C10orf143: variants seen among roughly 807,000 people sequenced by gnomAD.
C10orf143 encodes the protein chromosome 10 open reading frame 143, also known as uncharacterized protein C10orf143.
intron 1 of C10orf143, among the ~76,000 whole-genome samples, chr10:130,087,096 A>G (rs1762814302): frequency 1.3e-5 from 2 of 152,218 alleles, no homozygotes; most frequent in Admixed American, 1.3e-4. Flanking sequence ...CAGCCAGCAC[A>G]GTGAATTAAT....
rs1012690590 is a variant in C10orf143, at chr10:130,056,781, C to T, written c.298-20811G>A. On this transcript the variant is annotated intron_variant and NMD_transcript_variant, in intron 3 of 5. Coordinates refer to the C10orf143 transcript ENST00000643056. This position sits in a 1 kb window ranked among gnomAD's most constrained non-coding sequence, Gnocchi z 4.6. ...TAATTTTTTGTATTTTTAGTAGAGACGGGGTTTCACCATGTTAGCCAAGAT... is the reference window on the plus strand; with the variant it reads ...TAATTTTTTGTATTTTTAGTAGAGATGGGGTTTCACCATGTTAGCCAAGAT... Among the ~76,000 whole-genome samples the T allele has an allele frequency of 2.5e-4, 38 of 152,058 alleles. No homozygotes were observed. The East Asian group carries it at 2.9e-3, about 12-fold the overall frequency.
At chr10:130,078,638 G>T (rs1861157995) in intron 3 of C10orf143, among the ~76,000 whole-genome samples, 2 of 152,176 alleles carry the variant, frequency 1.3e-5, no homozygotes, top group African/African-American at 2.4e-5. Flanking sequence ...AAGGACTTCA[G>T]ATAATTAGAG....
intron 3 of C10orf143, among the ~76,000 whole-genome samples, chr10:130,070,328 G>T (rs554323894): frequency 6.6e-6 from 1 of 152,154 alleles, no homozygotes; most frequent in Non-Finnish European, 1.5e-5. Flanking sequence ...TCGCACCCCC[G>T]GACCTGGTGC....
chr10:130,085,590 G>A, intron 1 of C10orf143, among the ~76,000 whole-genome samples: 1 of 152,256 alleles, frequency 6.6e-6, no homozygotes, highest in South Asian at 2.1e-4. Flanking sequence ...ACAGAAAAAG[G>A]ATATTAGAGG....
chr10:130,105,275 C>T (rs1861621914), intron 1 of C10orf143, among the ~76,000 whole-genome samples: 1 of 152,162 alleles, frequency 6.6e-6, no homozygotes. Flanking sequence ...GCTGTGCAGC[C>T]CTGTGGTTAA....
intron 3 of C10orf143, among the ~76,000 whole-genome samples, chr10:130,057,464 C>G (rs1320543912): frequency 6.6e-6 from 1 of 152,186 alleles, no homozygotes; most frequent in Non-Finnish European, 1.5e-5. Flanking sequence ...TCACAGAAAC[C>G]AAGGCCAGGA....
At chr10:130,092,658 G>A (rs532096069) in intron 1 of C10orf143, among the ~76,000 whole-genome samples, 18 of 152,246 alleles carry the variant, frequency 1.2e-4, no homozygotes, top group Middle Eastern at 3.4e-3. Flanking sequence ...TCGGTGTGCT[G>A]TATTCAGGAG....
chr10:130,081,689 AAG>A (rs1379908712), intron 1 of C10orf143, among the ~76,000 whole-genome samples: 3 of 113,462 alleles, frequency 2.6e-5, no homozygotes, highest in African/African-American at 1.0e-4. Flanking sequence ...CTGGAAATTT[AAG>A]AGTCTTATTA....
At chr10:130,098,149 C>G (rs528208757) in intron 1 of C10orf143, among the ~76,000 whole-genome samples, 36 of 152,154 alleles carry the variant, frequency 2.4e-4, no homozygotes, top group Middle Eastern at 3.4e-3. Context: ...ATAGGGAAAC[C>G]CTGTCTCTAC....
intron 1 of C10orf143, among the ~76,000 whole-genome samples, chr10:130,088,377 T>A (rs1323662657): frequency 1.3e-5 from 2 of 151,840 alleles, no homozygotes; most frequent in Non-Finnish European, 2.9e-5. Context: ...AGAGCGAAAC[T>A]CCATTTCAAA....
intron 3 of C10orf143, among the ~76,000 whole-genome samples, chr10:130,050,418 T>C (rs1363873732): frequency 6.6e-6 from 1 of 152,190 alleles, no homozygotes; most frequent in African/African-American, 2.4e-5. Flanking sequence ...TAACCAGACG[T>C]GGCAGCGTGC....
At chr10:130,086,079 T>C (rs974624680) in intron 1 of C10orf143, among the ~76,000 whole-genome samples, 1 of 152,176 alleles carries the variant, frequency 6.6e-6, no homozygotes, top group Non-Finnish European at 1.5e-5. Flanking sequence ...AAATTGCCAA[T>C]ATCCCGCTTA....
rs368517581 is a variant in C10orf143 at position 130,047,618 on chromosome 10, G to A, written c.298-11648C>T. Among the ~76,000 whole-genome samples, 44 of 152,338 alleles carry A rather than the reference G, an allele frequency of 2.9e-4. No homozygotes were observed. The East Asian group carries it at 3.3e-3, about 11-fold the overall frequency. ...CGTCCAGAGCTGGTCAGACCCGGAC[G>A]AAGCCAGCTGAGCTGAATGATGAGG... is the stretch of plus-strand genomic sequence containing the variant. On this transcript the variant is annotated intron_variant and NMD_transcript_variant, in intron 3 of 5. Coordinates refer to the C10orf143 transcript ENST00000643056.
chr10:130,073,144 C>T (rs1395800107), intron 3 of C10orf143, among the ~76,000 whole-genome samples: 4 of 152,162 alleles, frequency 2.6e-5, no homozygotes, highest in Non-Finnish European at 5.9e-5. Flanking sequence ...CTAGTGTGAT[C>T]TTATCCTCCG....
chr10:130,047,253 G>A (rs1396511247), intron 3 of C10orf143, among the ~76,000 whole-genome samples: 6 of 152,342 alleles, frequency 3.9e-5, no homozygotes, highest in African/African-American at 1.2e-4. Flanking sequence ...TGGGGTTGCC[G>A]TGGGGATGAA....
intron 3 of C10orf143, among the ~76,000 whole-genome samples, chr10:130,069,336 C>T (rs761328995): frequency 4.6e-5 from 7 of 152,118 alleles, no homozygotes; most frequent in Non-Finnish European, 8.8e-5. Flanking sequence ...CAAAACCAAA[C>T]GACATTGAAA....
chr10:130,094,015 T>TAAA (rs61617138), intron 1 of C10orf143, among the ~76,000 whole-genome samples: 75,459 of 137,118 alleles, frequency 0.55, 21,763 homozygotes, highest in Admixed American at 0.66. Context: ...ATCTCACCAT[T>TAAA]AAAAAAAAAA....
intron 1 of C10orf143, 42 bp downstream of exon 1, chr10:130,110,662 A>G (rs1861752177): frequency 2.5e-6 from 1 of 398,446 alleles, no homozygotes; most frequent in Admixed American, 4.4e-5. Flanking sequence ...CCCAGGGGCC[A>G]TCCGCCCTCC....
chr10:130,089,968 G>GA (rs960915323), intron 1 of C10orf143, among the ~76,000 whole-genome samples: 2 of 151,812 alleles, frequency 1.3e-5, no homozygotes, highest in African/African-American at 2.4e-5. Flanking sequence ...AGAACATAGG[G>GA]AAAAAAAATC....
Sources: gnomAD v4.1 joint callset for allele counts (sites outside exome capture counted in the v4.1 genomes callset) on GRCh38, gnomAD v4.1.1 for gene constraint, Gnocchi (gnomAD v3.1) non-coding constraint, MANE v1.5 for transcripts, NCBI Gene and HGNC (gene_info 2026-07-23, HGNC 2026-07-21) for gene names.